MTUS2: variants seen among roughly 807,000 people sequenced by gnomAD.
MTUS2 encodes the protein microtubule-associated tumor suppressor candidate 2.
In MTUS2, 40 loss-of-function variants were observed where a neutral mutation model predicts 114.1. The observed-to-expected ratio is 0.35, with a 90% confidence interval of 0.27 to 0.46. The LOEUF (loss-of-function observed/expected upper bound fraction) is 0.46, where lower values mean the gene tolerates loss of function less well. Among genes scored for constraint, MTUS2 ranks in the 20% least tolerant of loss-of-function variants. The pLI is 1.00. For missense variants in MTUS2, 1,679 were observed against 1,705.4 expected (o/e 0.98, Z 0.27); for synonymous variants, 688 against 672.0 (o/e 1.02, Z -0.37).
intron 2 of MTUS2, among the ~76,000 whole-genome samples, chr13:29,020,034 C>T (rs529656284): frequency 6.6e-6 from 1 of 152,290 alleles, no homozygotes; most frequent in South Asian, 2.1e-4. Flanking sequence ...CAGAGCTTGC[C>T]AACAGAGACC....
At position 29,389,393 on chromosome 13, in the gene MTUS2, G is replaced by A. The variant is rs1872957720; in HGVS notation, c.3117+29920G>A. 1.8e-4 allele frequency among the ~76,000 whole-genome samples: 14 copies of A among 79,368 alleles called. 1 individual carries two copies. The highest frequency in any genetic ancestry group is 6.8e-4 in the African/African-American group (13 of 19,104). The allele number at this position is 79,368 out of a possible 152,430, so 52.1% of individuals were successfully genotyped here. ...TGTGTGTATATATGTATACACGTGT[G>A]TGTATATATGTATACACGTGTGTGT... On this transcript the variant is annotated intron_variant, in intron 8 of 15. Transcript: ENST00000612955.
intron 8 of MTUS2, among the ~76,000 whole-genome samples, chr13:29,416,185 T>C (rs1875650467): frequency 6.6e-6 from 1 of 150,534 alleles, no homozygotes; most frequent in Middle Eastern, 3.2e-3. Flanking sequence ...CGCCTTGGCC[T>C]CCTAAAGTGC....
At chr13:28,848,731 CGAG>C (rs1477871506) in intron 2 of MTUS2, among the ~76,000 whole-genome samples, 1 of 152,036 alleles carries the variant, frequency 6.6e-6, no homozygotes, top group Non-Finnish European at 1.5e-5. Context: ...CTGCTGTTGA[CGAG>C]GAGATATTTT....
chr13:28,929,731 C>T (rs1024464015), intron 2 of MTUS2, among the ~76,000 whole-genome samples: 14 of 152,356 alleles, frequency 9.2e-5, no homozygotes, highest in Admixed American at 9.2e-4. Context: ...ACAGCAAACA[C>T]TTCTTAGCAC....
intron 5 of MTUS2, among the ~76,000 whole-genome samples, chr13:29,172,658 A>G (rs1451871446): frequency 6.6e-6 from 1 of 152,180 alleles, no homozygotes; most frequent in East Asian, 1.9e-4. Context: ...TAAAATTACA[A>G]AGAGAGACCC....
intron 8 of MTUS2, among the ~76,000 whole-genome samples, chr13:29,412,951 G>A (rs1038412304): frequency 6.6e-6 from 1 of 152,060 alleles, no homozygotes; most frequent in African/African-American, 2.4e-5. Flanking sequence ...TGGACTCATG[G>A]CCCAGTTCCA....
At chr13:28,941,452 A>G (rs960680164) in intron 2 of MTUS2, among the ~76,000 whole-genome samples, 16 of 152,096 alleles carry the variant, frequency 1.1e-4, no homozygotes, top group Non-Finnish European at 1.8e-4. Flanking sequence ...GTTAATTTCT[A>G]TTTTATAAAC....
chr13:29,204,377 A>T (rs528818257), intron 5 of MTUS2, among the ~76,000 whole-genome samples: 1 of 152,294 alleles, frequency 6.6e-6, no homozygotes, highest in South Asian at 2.1e-4. Flanking sequence ...CGGGGTTGCC[A>T]AGCCTTCCAA....
intron 5 of MTUS2, chr13:29,242,512 T>G (rs1217206585): frequency 6.2e-6 from 1 of 161,100 alleles, no homozygotes; most frequent in Non-Finnish European, 1.4e-5. Context: ...AATAAATATT[T>G]CAAAAACACT....
At position 29,189,292 on chromosome 13, in the gene MTUS2, G is replaced by GA. The variant is rs557192942; in HGVS notation, c.2644+88326dup. Among the ~76,000 whole-genome samples, 4 of 152,302 alleles carry GA rather than the reference G, an allele frequency of 2.6e-5. No homozygotes were observed. The South Asian group carries it at 8.3e-4, about 32-fold the overall frequency. ...TTTTAGAAAGTATCTTCAGGGGATA[G>GA]AAAACCAAAATTAATTTCCTTTGTT... On this transcript the variant is annotated intron_variant, in intron 5 of 15. Transcript: ENST00000612955.
intron 6 of MTUS2, among the ~76,000 whole-genome samples, chr13:29,289,852 T>C: frequency 6.6e-6 from 1 of 152,152 alleles, no homozygotes; most frequent in South Asian, 2.1e-4. Context: ...CCCCTTCCAG[T>C]CTCTCATAGG....
At chr13:29,307,536 C>A in intron 6 of MTUS2, 3 of 1,257,450 alleles carry the variant, frequency 2.4e-6, no homozygotes, top group Non-Finnish European at 3.5e-6. Context: ...AAAAACCTGC[C>A]AAATATGATG....
At chr13:29,340,250 T>C (rs1242314037) in intron 7 of MTUS2, among the ~76,000 whole-genome samples, 1 of 152,172 alleles carries the variant, frequency 6.6e-6, no homozygotes, top group Non-Finnish European at 1.5e-5. Context: ...CACTTGGCTC[T>C]GGGCAGAGGG....
At chr13:29,309,118 C>T (rs1418058781) in intron 6 of MTUS2, among the ~76,000 whole-genome samples, 2 of 152,170 alleles carry the variant, frequency 1.3e-5, no homozygotes, top group African/African-American at 2.4e-5. Context: ...TATAAAGATA[C>T]ATGCATGCGT....
intron 5 of MTUS2, among the ~76,000 whole-genome samples, chr13:29,263,116 T>C (rs1737215926): frequency 6.6e-6 from 1 of 152,224 alleles, no homozygotes; most frequent in African/African-American, 2.4e-5. Flanking sequence ...GGGCAGAGCC[T>C]ATGGTGTTTG....
chr13:29,453,291 T>C (rs1259008070), intron 9 of MTUS2, among the ~76,000 whole-genome samples: 1 of 152,212 alleles, frequency 6.6e-6, no homozygotes, highest in Non-Finnish European at 1.5e-5. Flanking sequence ...CATAATCGAC[T>C]CAGTTGAGTT....
intron 5 of MTUS2, among the ~76,000 whole-genome samples, chr13:29,123,139 A>G (rs2138917919): frequency 6.6e-6 from 1 of 152,312 alleles, no homozygotes; most frequent in African/African-American, 2.4e-5. Context: ...TATTCTCTCA[A>G]TACTTGAAAT....
At chr13:29,434,675 C>G (rs1274788457) in intron 8 of MTUS2, among the ~76,000 whole-genome samples, 1 of 152,164 alleles carries the variant, frequency 6.6e-6, no homozygotes, top group Non-Finnish European at 1.5e-5. Context: ...ATGATGCTAA[C>G]AAGGACAGGC....
chr13:29,003,395 T>C (rs1205701792), intron 2 of MTUS2, among the ~76,000 whole-genome samples: 1 of 152,222 alleles, frequency 6.6e-6, no homozygotes, highest in Non-Finnish European at 1.5e-5. Context: ...TGCTCTGTGC[T>C]AGCCTCACTG....
Sources: gnomAD v4.1 joint callset for allele counts (sites outside exome capture counted in the v4.1 genomes callset) on GRCh38, gnomAD v4.1.1 for gene constraint, MANE v1.5 for transcripts, NCBI Gene and HGNC (gene_info 2026-07-23, HGNC 2026-07-21) for gene names.